PSMD12: variants seen among roughly 807,000 people sequenced by gnomAD.
PSMD12 encodes the protein 26S proteasome non-ATPase regulatory subunit 12.
PSMD12 carries 8 observed loss-of-function variants against 62.9 expected under a neutral mutation model. The ratio of observed to expected loss-of-function variants is 0.13; its 90% CI spans 0.07 to 0.23. The LOEUF (loss-of-function observed/expected upper bound fraction) is 0.23, where lower values mean the gene tolerates loss of function less well. Ranked by LOEUF, PSMD12 falls within the 10% of genes least tolerant of loss-of-function variation. The pLI, the probability that PSMD12 is intolerant of heterozygous loss-of-function variation, is 1.00. For synonymous variants in PSMD12, 173 were observed against 187.4 expected, an observed-to-expected ratio of 0.92 and a Z score of 0.63; for missense variants, 424 against 550.2, an observed-to-expected ratio of 0.77 and a Z score of 2.29.
At chr17:67,343,564 T>G (rs2041935231) in intron 9 of PSMD12, among the ~76,000 whole-genome samples, 2 of 152,306 alleles carry the variant, frequency 1.3e-5, no homozygotes, top group East Asian at 3.9e-4. Flanking sequence ...ACCTGATCAT[T>G]TCTCCATGTA....
At chr17:67,353,046 A>G (rs1043222920) in intron 3 of PSMD12, among the ~76,000 whole-genome samples, 4 of 152,206 alleles carry the variant, frequency 2.6e-5, no homozygotes, top group Non-Finnish European at 5.9e-5. Context: ...TCTGGTCTCC[A>G]GAGAGGATTT....
At chr17:67,364,573 G>C (rs2042162492) in intron 1 of PSMD12, among the ~76,000 whole-genome samples, 1 of 152,160 alleles carries the variant, frequency 6.6e-6, no homozygotes, top group South Asian at 2.1e-4. Flanking sequence ...AGGAAGATTT[G>C]GTTGTCCTTC....
At chr17:67,353,310 C>G (rs2042035582) in intron 3 of PSMD12, among the ~76,000 whole-genome samples, 1 of 151,578 alleles carries the variant, frequency 6.6e-6, no homozygotes, top group Non-Finnish European at 1.5e-5. Flanking sequence ...TTCCTCCTTC[C>G]CCCCGCTCCC....
chr17:67,358,333 C>T (rs1196051863), intron 1 of PSMD12, among the ~76,000 whole-genome samples: 4 of 151,362 alleles, frequency 2.6e-5, no homozygotes, highest in African/African-American at 4.9e-5. Context: ...TTTAGGAGAC[C>T]GAAGGGGGCA....
rs2041897167 is a variant in PSMD12 at position 67,340,060 on chromosome 17, C to T, written c.*783G>A. ...AAACAACTTTATGTTAAATTTAAAC[C>T]CATATAAAGAAAGGGGAGAGGAAGA... is the stretch of plus-strand genomic sequence containing the variant. On this transcript the variant is annotated 3_prime_UTR_variant, in exon 11 of 11. Transcript: ENST00000356126. 7.2e-6 allele frequency: 1 copy of T among 138,892 alleles called. No homozygotes were observed. Among genetic ancestry groups the T allele is most frequent in the Non-Finnish European group, 1.5e-5 (1 of 64,526 alleles). The allele number at this position is 138,892 out of a possible 1,614,324, so 8.6% of individuals were successfully genotyped here. A position where few individuals can be genotyped will look rare whatever the true frequency, so the allele number is the denominator to read the frequency against.
chr17:67,351,375 G>A (rs2042015525), intron 3 of PSMD12, among the ~76,000 whole-genome samples: 2 of 132,568 alleles, frequency 1.5e-5, no homozygotes, highest in Non-Finnish European at 3.2e-5. Flanking sequence ...CTGGGAGACA[G>A]ATCGAGACTT....
chr17:67,344,213 C>T (rs1365958989), intron 9 of PSMD12, among the ~76,000 whole-genome samples: 1 of 152,218 alleles, frequency 6.6e-6, no homozygotes, highest in Non-Finnish European at 1.5e-5. Flanking sequence ...AAACACCCTC[C>T]TGCCCCCATT....
At chr17:67,363,350 C>G (rs1430514626) in intron 1 of PSMD12, among the ~76,000 whole-genome samples, 1 of 152,128 alleles carries the variant, frequency 6.6e-6, no homozygotes, top group South Asian at 2.1e-4. Context: ...GACAGCATCT[C>G]GTTAGGCTGG....
At chr17:67,358,312 A>G (rs769276520) in intron 1 of PSMD12, among the ~76,000 whole-genome samples, 1 of 152,146 alleles carries the variant, frequency 6.6e-6, no homozygotes, top group Non-Finnish European at 1.5e-5. Context: ...TCATGCCTGT[A>G]ATGACAGCAT....
intron 1 of PSMD12, among the ~76,000 whole-genome samples, chr17:67,363,974 G>A (rs949010277): frequency 2.0e-5 from 3 of 152,038 alleles, no homozygotes; most frequent in East Asian, 1.9e-4. Flanking sequence ...GCTTGAAACC[G>A]GGAGGTGGAG....
intron 8 of PSMD12, among the ~76,000 whole-genome samples, chr17:67,345,086 A>C (rs959309009): frequency 3.3e-5 from 5 of 152,204 alleles, no homozygotes; most frequent in Non-Finnish European, 5.9e-5. Context: ...ATGATGAAGC[A>C]AGTCTATTTT....
chr17:67,348,815 T>C (rs1014969071), intron 4 of PSMD12, among the ~76,000 whole-genome samples, 161 bp from the exon 5 acceptor site: 1 of 151,946 alleles, frequency 6.6e-6, no homozygotes, highest in Non-Finnish European at 1.5e-5. Flanking sequence ...CTGGGAAACA[T>C]GTTGAGCCCG....
chr17:67,352,608 C>T (rs998925104), intron 3 of PSMD12, among the ~76,000 whole-genome samples: 1 of 152,186 alleles, frequency 6.6e-6, no homozygotes, highest in Non-Finnish European at 1.5e-5. Context: ...ACAACAACTA[C>T]AGTAGTCTCC....
Position 67,342,191 on chromosome 17 carries a change from C to G in PSMD12, c.1156G>C (p.Val386Leu). ...KRMAQLLDLS[V>L]DESEAFLSNL... ...CAAAGTTGATTACTACTTACATCAACAGATAGATCCAGAAGCTGTGCCATC... is the reference window on the plus strand; with the variant it reads ...CAAAGTTGATTACTACTTACATCAAGAGATAGATCCAGAAGCTGTGCCATC... The change falls in exon 10 of 11, where the codon GTT (valine) becomes CTT (leucine). Residue 386 changes from valine to leucine, a missense_variant. By Grantham distance (32) the Val-to-Leu change is conservative (BLOSUM62 1). Coordinates refer to ENST00000356126, the MANE Select transcript of PSMD12 (RefSeq NM_002816.5). The G allele has an allele frequency of 6.4e-7, 1 of 1,566,552 alleles. No individual in the cohort carries two copies. Among genetic ancestry groups the G allele is most frequent in the South Asian group, 1.1e-5 (1 of 89,606 alleles).
At chr17:67,350,854 C>CCAGGTCACAAATCAGCAAA (rs2042010631) in intron 3 of PSMD12, among the ~76,000 whole-genome samples, 1 of 152,156 alleles carries the variant, frequency 6.6e-6, no homozygotes, top group Admixed American at 6.5e-5. Context: ...ATTCTATGAT[C>CCAGGTCACAAATCAGCAAA]CAGGTCACAA....
intron 10 of PSMD12, among the ~76,000 whole-genome samples, chr17:67,341,770 C>G (rs2041917455): frequency 6.6e-6 from 1 of 152,172 alleles, no homozygotes; most frequent in African/African-American, 2.4e-5. Flanking sequence ...GGACAAGACA[C>G]TTGACTTCTA....
At position 67,345,887 on chromosome 17, in the gene PSMD12, A is replaced by G. The variant is rs374914970; in HGVS notation, c.796-30T>C. ...AAGAGTTGTACAACAAGTTATATGCAAGACTGGACATAATGGAAACTTTGA... is the reference window on the plus strand; with the variant it reads ...AAGAGTTGTACAACAAGTTATATGCGAGACTGGACATAATGGAAACTTTGA... On this transcript the variant is annotated intron_variant, in intron 7 of 10. Coordinates refer to ENST00000356126, the MANE Select transcript of PSMD12 (RefSeq NM_002816.5). 7 of 1,537,768 alleles carry G rather than the reference A, an allele frequency of 4.6e-6. No individual in the cohort carries two copies. In the African/African-American group the frequency reaches 5.5e-5, roughly 12 times the overall value.
chr17:67,346,342 C>T (rs2143693551), intron 7 of PSMD12, among the ~76,000 whole-genome samples: 1 of 151,816 alleles, frequency 6.6e-6, no homozygotes, highest in South Asian at 2.1e-4. Context: ...TTGCAGTGAG[C>T]CGAGATTGCG....
In PSMD12 at chr17:67,340,611, C is replaced by A; in HGVS notation, c.*232G>T. The A allele has an allele frequency of 2.5e-6, 1 of 396,848 alleles. No homozygotes were observed. Among genetic ancestry groups the A allele is most frequent in the South Asian group, 6.5e-5 (1 of 15,364 alleles). The allele number at this position is 396,848 out of a possible 1,614,324, so 24.6% of individuals were successfully genotyped here. A position where few individuals can be genotyped will look rare whatever the true frequency, so the allele number is the denominator to read the frequency against. ...AAAAACATATCTGGGTAAGTTATGA[C>A]ACAACTTTTTGTGTATTCAGACGAC... On this transcript the variant is annotated 3_prime_UTR_variant, in exon 11 of 11. Coordinates refer to ENST00000356126, the MANE Select transcript of PSMD12 (RefSeq NM_002816.5).
Sources: allele counts gnomAD v4.1 joint callset (sites outside exome capture counted in the v4.1 genomes callset), GRCh38; gene constraint gnomAD v4.1.1; transcripts MANE v1.5; gene names NCBI Gene and HGNC (gene_info 2026-07-23, HGNC 2026-07-21).